Variants in SNX3 observed in about 807,000 individuals in gnomAD.
SNX3 encodes the protein sorting nexin-3.
Under a neutral mutation model 17.7 loss-of-function variants are expected in SNX3, and 5 were observed. The ratio of observed to expected loss-of-function variants is 0.28; its 90% CI spans 0.15 to 0.59. The LOEUF is 0.59. Ranked by LOEUF, SNX3 falls within the 20% of genes least tolerant of loss-of-function variation. SNX3 has a pLI of 0.88. For missense variants in SNX3, 132 were observed against 206.8 expected, an observed-to-expected ratio of 0.64 and a Z score of 2.22; for synonymous variants, 91 against 76.5, an observed-to-expected ratio of 1.19 and a Z score of -0.99.
intron 1 of SNX3, among the ~76,000 whole-genome samples, chr6:108,252,801 G>A (rs2114766804): frequency 6.6e-6 from 1 of 152,038 alleles, no homozygotes; most frequent in African/African-American, 2.4e-5. Flanking sequence ...CACCACACTG[G>A]CTAATTTTTG....
chr6:108,234,974 G>T (rs1775279360), intron 1 of SNX3, among the ~76,000 whole-genome samples: 5 of 152,218 alleles, frequency 3.3e-5, no homozygotes, highest in Admixed American at 3.3e-4. Context: ...CTAGGCCAAA[G>T]ACTATAAATG....
At chr6:108,250,565 A>G (rs1451367169) in intron 1 of SNX3, among the ~76,000 whole-genome samples, 4 of 152,228 alleles carry the variant, frequency 2.6e-5, no homozygotes, top group African/African-American at 9.6e-5. Flanking sequence ...ATACACATAC[A>G]TGCCTAGCTG....
intron 1 of SNX3, among the ~76,000 whole-genome samples, chr6:108,241,143 CA>C (rs71274311): frequency 0.06 from 3,072 of 50,984 alleles, 22 homozygotes; most frequent in South Asian, 0.17. Flanking sequence ...GACTCCGTCT[CA>C]AAAAAAAAAA....
At chr6:108,224,511 A>AC (rs1774917757) in intron 1 of SNX3, among the ~76,000 whole-genome samples, 1 of 151,960 alleles carries the variant, frequency 6.6e-6, no homozygotes, top group Non-Finnish European at 1.5e-5. Flanking sequence ...CCATCTCCTG[A>AC]CCGCGTGATC....
At chr6:108,222,746 C>T (rs1774836315) in intron 2 of SNX3, among the ~76,000 whole-genome samples, 1 of 152,030 alleles carries the variant, frequency 6.6e-6, no homozygotes, top group Admixed American at 6.5e-5. Flanking sequence ...CAGCAAAGAC[C>T]TCAACTGGGC....
intron 1 of SNX3, among the ~76,000 whole-genome samples, chr6:108,225,587 G>A (rs548386906): frequency 9.2e-4 from 140 of 152,130 alleles, no homozygotes; most frequent in African/African-American, 3.1e-3. Context: ...GCCGAAGATC[G>A]CTCCACTGCA....
intron 1 of SNX3, among the ~76,000 whole-genome samples, chr6:108,257,830 G>A (rs1207831126): frequency 6.6e-6 from 1 of 152,114 alleles, no homozygotes; most frequent in East Asian, 1.9e-4. Context: ...TGGGCGTGGT[G>A]GCGCGTGCCT....
At chr6:108,213,812 T>G (rs579257) in intron 3 of SNX3, among the ~76,000 whole-genome samples, 35,987 of 152,018 alleles carry the variant, frequency 0.24, 6,205 homozygotes, top group African/African-American at 0.47. Flanking sequence ...AGATAAAATT[T>G]ACAGTGTAAG....
At chr6:108,255,970 C>A (rs1776015830) in intron 1 of SNX3, among the ~76,000 whole-genome samples, 1 of 152,192 alleles carries the variant, frequency 6.6e-6, no homozygotes, top group African/African-American at 2.4e-5. Context: ...TGGCTCACAC[C>A]TATAATCCTA....
intron 1 of SNX3, among the ~76,000 whole-genome samples, chr6:108,231,020 T>C (rs1463589238): frequency 6.6e-6 from 1 of 151,766 alleles, no homozygotes; most frequent in African/African-American, 2.4e-5. Flanking sequence ...AAAGAGGGTC[T>C]CCCTGTGTTG....
At chr6:108,258,567 T>C (rs965115772) in intron 1 of SNX3, among the ~76,000 whole-genome samples, 2 of 151,804 alleles carry the variant, frequency 1.3e-5, no homozygotes, top group African/African-American at 2.4e-5. Context: ...TTGAGTAGAG[T>C]GGCCTCATCA....
intron 3 of SNX3, 61 bp downstream of exon 3, chr6:108,214,437 A>G: frequency 6.4e-7 from 1 of 1,553,426 alleles, no homozygotes; most frequent in Non-Finnish European, 8.8e-7. Flanking sequence ...TTAGCTTAAC[A>G]TCTAAACTAC....
rs771623669 is a variant in SNX3 at position 108,260,813 on chromosome 6, G to C, written c.109C>G (p.Gln37Glu). 4 of 1,613,972 alleles carry C rather than the reference G, an allele frequency of 2.5e-6. No homozygotes were observed. The highest frequency in any genetic ancestry group is 3.4e-6 in the Non-Finnish European group (4 of 1,179,900). ...NFLEIDVSNPQTVGVGRGRFT... is the reference protein window; with the variant it reads ...NFLEIDVSNPETVGVGRGRFT... ...CGGCCCCGGCCGACCCCCACCGTTT[G>C]CGGGTTGCTCACATCGATCTCGAGG... Residue 37 changes from glutamine (Q) to glutamate (E), a missense_variant, in exon 1 of 4, where the codon CAA (glutamine) becomes GAA (glutamate). Physicochemically the swap from Gln to Glu is conservative, Grantham distance 29. This residue lies in a region of SNX3 where 78 missense variants were observed against 88.8 expected (regional missense o/e 0.88). Transcript: ENST00000230085.
At chr6:108,241,331 C>A (rs966960549) in intron 1 of SNX3, among the ~76,000 whole-genome samples, 10 of 151,946 alleles carry the variant, frequency 6.6e-5, no homozygotes, top group African/African-American at 2.4e-4. Flanking sequence ...ACTGCCTGAA[C>A]TTTGACTTGT....
chr6:108,224,759 G>A (rs773083868), intron 1 of SNX3, among the ~76,000 whole-genome samples: 27 of 152,142 alleles, frequency 1.8e-4, no homozygotes, highest in Non-Finnish European at 3.2e-4. Flanking sequence ...AAATTAAATC[G>A]TACTCAGTAG....
intron 1 of SNX3, among the ~76,000 whole-genome samples, chr6:108,247,305 G>A (rs1165800093): frequency 6.6e-6 from 1 of 152,044 alleles, no homozygotes; most frequent in African/African-American, 2.4e-5. Context: ...TGAAAATGGA[G>A]TAAGACAGGA....
chr6:108,234,282 G>A (rs1775258059), intron 1 of SNX3, among the ~76,000 whole-genome samples: 1 of 151,728 alleles, frequency 6.6e-6, no homozygotes. Context: ...GCTGGGTGCA[G>A]TGGCTCACGC....
intron 1 of SNX3, among the ~76,000 whole-genome samples, chr6:108,225,053 C>T (rs996458079): frequency 2.4e-4 from 37 of 152,100 alleles, no homozygotes; most frequent in Non-Finnish European, 2.6e-4. Context: ...AAGGCTGAGG[C>T]GGGCGGATCA....
chr6:108,221,534 T>C (rs1434173985), intron 2 of SNX3, among the ~76,000 whole-genome samples: 1 of 67,812 alleles, frequency 1.5e-5, no homozygotes, highest in South Asian at 6.9e-4. Context: ...GTATTACACT[T>C]TTTTTTTTTT....
Sources: allele counts gnomAD v4.1 joint callset (sites outside exome capture counted in the v4.1 genomes callset), GRCh38; gene constraint gnomAD v4.1.1; regional missense constraint gnomAD v4.1.1; transcripts MANE v1.5; gene names NCBI Gene and HGNC (gene_info 2026-07-23, HGNC 2026-07-21).